The following DLGAP1 variants were observed in gnomAD, a reference collection of about 807,000 sequenced individuals.
DLGAP1 encodes disks large-associated protein 1.
DLGAP1 carries 11 observed loss-of-function variants against 90.8 expected under a neutral mutation model. That is an observed-to-expected ratio of 0.12 (90% CI 0.08 to 0.20). The LOEUF (loss-of-function observed/expected upper bound fraction) is 0.20, where lower values mean the gene tolerates loss of function less well. Ranked by LOEUF, DLGAP1 falls within the 10% of genes least tolerant of loss-of-function variation. The probability of loss-of-function intolerance (pLI) is 1.00; values close to 1 mark genes in which losing one functional copy is unlikely to be tolerated. For synonymous variants in DLGAP1, 558 were observed against 540.7 expected (o/e 1.03, Z -0.44); for missense variants, 1,050 against 1,333.8 (o/e 0.79, Z 3.31).
rs1195141007 is a variant in DLGAP1 at position 3,997,028 on chromosome 18, TTC to T, written c.-73+8086_-73+8087del. 2.9e-4 allele frequency among the ~76,000 whole-genome samples: 10 copies of T among 34,974 alleles called. 1 individual carries two copies. Among genetic ancestry groups the T allele is most frequent in the African/African-American group, 8.8e-4 (8 of 9,132 alleles). 22.9% of individuals were successfully genotyped at this position (34,974 alleles called of 152,430 possible). A position where few individuals can be genotyped will look rare whatever the true frequency, so the allele number is the denominator to read the frequency against. On this transcript the variant is annotated intron_variant, in intron 3 of 12. Transcript: ENST00000315677. Reference sequence around the variant, plus strand: ...GATTAGAAATATAAGTTGCAGAGTTTTCTTTTTTTTTTTTTTCATATTTTAAA... The same window carrying T: ...GATTAGAAATATAAGTTGCAGAGTTTTTTTTTTTTTTTTTCATATTTTAAA...
chr18:3,695,236 G>C (rs7407932), intron 7 of DLGAP1, among the ~76,000 whole-genome samples: 11,279 of 152,142 alleles, frequency 0.074, 693 homozygotes, highest in African/African-American at 0.16. Flanking sequence ...GAGCCACCAA[G>C]CCTGGCCTGC....
chr18:4,329,997 G>C (rs889227465), intron 1 of DLGAP1, among the ~76,000 whole-genome samples: 2 of 151,660 alleles, frequency 1.3e-5, no homozygotes, highest in Non-Finnish European at 2.9e-5. Flanking sequence ...AAGCCACCTG[G>C]GTTTGAATTT....
intron 3 of DLGAP1, among the ~76,000 whole-genome samples, chr18:3,944,367 G>A (rs539967217): frequency 9.2e-5 from 14 of 152,278 alleles, no homozygotes; most frequent in Admixed American, 3.9e-4. Context: ...ATGGTGGTGC[G>A]TGCCTGCAAT....
At chr18:3,583,529 C>T (rs562103918) in intron 7 of DLGAP1, among the ~76,000 whole-genome samples, 54 of 152,288 alleles carry the variant, frequency 3.5e-4, no homozygotes, top group African/African-American at 1.2e-3. Context: ...AGTATTTACA[C>T]TGTACAAAAG....
At chr18:3,520,992 G>A (rs2051150558) in intron 10 of DLGAP1, among the ~76,000 whole-genome samples, 1 of 152,100 alleles carries the variant, frequency 6.6e-6, no homozygotes, top group Non-Finnish European at 1.5e-5. Flanking sequence ...CCTGTGCTTG[G>A]TAGAATTTCT....
At chr18:4,095,457 A>T (rs1376851792) in intron 2 of DLGAP1, among the ~76,000 whole-genome samples, 2 of 152,202 alleles carry the variant, frequency 1.3e-5, no homozygotes, top group African/African-American at 4.8e-5. Flanking sequence ...GAAACAGGAC[A>T]AATTGTACTT....
intron 7 of DLGAP1, among the ~76,000 whole-genome samples, chr18:3,714,439 A>G (rs1311575047): frequency 1.3e-5 from 2 of 152,142 alleles, no homozygotes; most frequent in Non-Finnish European, 2.9e-5. Flanking sequence ...ACAACCCCAC[A>G]AGGATGGAGA....
intron 7 of DLGAP1, among the ~76,000 whole-genome samples, chr18:3,618,836 T>G (rs1215756779): frequency 1.0e-4 from 15 of 148,766 alleles, no homozygotes; most frequent in Middle Eastern, 7.2e-3. Context: ...CTACTCGGGA[T>G]GCTGAGGCAG....
intron 10 of DLGAP1, among the ~76,000 whole-genome samples, chr18:3,531,361 C>T (rs1477708016): frequency 6.6e-6 from 1 of 152,072 alleles, no homozygotes; most frequent in Non-Finnish European, 1.5e-5. Context: ...CACTTGAACC[C>T]AGGAGACAGA....
At chr18:4,217,782 C>A (rs1163788404) in intron 1 of DLGAP1, among the ~76,000 whole-genome samples, 2 of 152,008 alleles carry the variant, frequency 1.3e-5, no homozygotes. Context: ...ACATATTCTG[C>A]AAATATTTTC....
At chr18:4,425,701 A>G (rs2083136481) in intron 1 of DLGAP1, among the ~76,000 whole-genome samples, 1 of 152,210 alleles carries the variant, frequency 6.6e-6, no homozygotes, top group South Asian at 2.1e-4. Flanking sequence ...CAGTGATCAA[A>G]ATAGACATGG....
chr18:4,390,523 C>G (rs2082320389), intron 1 of DLGAP1, among the ~76,000 whole-genome samples: 1 of 152,190 alleles, frequency 6.6e-6, no homozygotes, highest in Non-Finnish European at 1.5e-5. Context: ...CCAACCTATT[C>G]ATCCTTCCAT....
rs372342716 is a variant in DLGAP1 at position 3,717,025 on chromosome 18, G to A, written c.1591+12110C>T. 1.7e-4 allele frequency among the ~76,000 whole-genome samples: 24 copies of A among 142,246 alleles called. No individual in the cohort carries two copies. The East Asian group carries it at 4.5e-3, about 27-fold the overall frequency. The allele number at this position is 142,246 out of a possible 152,430, so 93.3% of individuals were successfully genotyped here. ...TTCTTATGGCTTGGAGCGGTGCAAA[G>A]AGGGTGAGTTTGCCTTTTTTTTTTT... On this transcript the variant is annotated intron_variant, in intron 7 of 12. Transcript: ENST00000315677.
intron 1 of DLGAP1, among the ~76,000 whole-genome samples, chr18:4,231,275 G>A (rs1374857326): frequency 2.0e-5 from 3 of 152,060 alleles, no homozygotes; most frequent in Non-Finnish European, 4.4e-5. Flanking sequence ...TGCCAATAAA[G>A]CATTTTCTTA....
At chr18:4,122,791 G>A (rs1444521582) in intron 2 of DLGAP1, among the ~76,000 whole-genome samples, 1 of 152,142 alleles carries the variant, frequency 6.6e-6, no homozygotes, top group African/African-American at 2.4e-5. Flanking sequence ...CTACTCCTTG[G>A]AGAGATTTAT....
chr18:3,659,055 C>T (rs1400362272), intron 7 of DLGAP1, among the ~76,000 whole-genome samples: 2 of 152,062 alleles, frequency 1.3e-5, no homozygotes, highest in African/African-American at 2.4e-5. Context: ...ATAGACTTCT[C>T]TTATATTTTT....
intron 4 of DLGAP1, among the ~76,000 whole-genome samples, chr18:3,866,211 C>T (rs967452999): frequency 6.6e-6 from 1 of 152,036 alleles, no homozygotes; most frequent in Non-Finnish European, 1.5e-5. Flanking sequence ...GGGCTGCAGT[C>T]TGGACTGCTG....
intron 2 of DLGAP1, among the ~76,000 whole-genome samples, chr18:4,097,842 A>G (rs915490521): frequency 3.3e-5 from 5 of 152,260 alleles, no homozygotes; most frequent in Non-Finnish European, 7.3e-5. Flanking sequence ...ATATTTTTCT[A>G]CGAAGGAGGA....
intron 10 of DLGAP1, among the ~76,000 whole-genome samples, chr18:3,522,941 G>A (rs759985285): frequency 5.3e-5 from 8 of 152,116 alleles, no homozygotes; most frequent in Non-Finnish European, 1.2e-4. Context: ...AGAAGAAAAC[G>A]GAAGGGAAAG....
Sources: gnomAD v4.1 joint callset for allele counts (sites outside exome capture counted in the v4.1 genomes callset) on GRCh38, gnomAD v4.1.1 for gene constraint, MANE v1.5 for transcripts, NCBI Gene and HGNC (gene_info 2026-07-23, HGNC 2026-07-21) for gene names.